The following RBFOX1 variants were observed in gnomAD, a reference collection of about 807,000 sequenced individuals.
RBFOX1 encodes RNA binding protein fox-1 homolog 1.
In RBFOX1, 8 loss-of-function variants were observed where a neutral mutation model predicts 57.7. That is an observed-to-expected ratio of 0.14 (90% confidence interval 0.08 to 0.25). RBFOX1 has a LOEUF of 0.25. Ranked by LOEUF, RBFOX1 falls within the 10% of genes least tolerant of loss-of-function variation. The pLI is 1.00. For missense variants in RBFOX1, 611 were observed against 548.5 expected, an observed-to-expected ratio of 1.11 and a Z score of -1.14; for synonymous variants, 326 against 222.4, an observed-to-expected ratio of 1.47 and a Z score of -4.15.
intron 3 of RBFOX1, among the ~76,000 whole-genome samples, chr16:6,771,689 G>C (rs2078323439): frequency 6.6e-6 from 1 of 152,196 alleles, no homozygotes; most frequent in South Asian, 2.1e-4. Context: ...GTCATAATTA[G>C]TGGAGCAAGG....
intron 1 of RBFOX1, among the ~76,000 whole-genome samples, chr16:6,033,611 C>T (rs1481082628): frequency 6.6e-6 from 1 of 152,198 alleles, no homozygotes; most frequent in Non-Finnish European, 1.5e-5. Context: ...TGTGCACACG[C>T]ACGTGTATTT....
intron 1 of RBFOX1, among the ~76,000 whole-genome samples, chr16:6,128,041 G>A (rs777536557): frequency 2.0e-4 from 31 of 152,072 alleles, no homozygotes; most frequent in Non-Finnish European, 4.0e-4. Context: ...AAGTCACTAG[G>A]CACATGTGAC....
rs146447632 is a variant in RBFOX1 at position 5,466,493 on chromosome 16, A to C, written c.220-723A>C. Among the ~76,000 whole-genome samples the C allele has an allele frequency of 3.3e-5, 5 of 152,194 alleles. No individual in the cohort carries two copies. The East Asian group carries it at 7.7e-4, about 24-fold the overall frequency. On this transcript the variant is annotated intron_variant, in intron 1 of 2. Coordinates refer to the RBFOX1 transcript ENST00000585867. ...TCCTGGGGCCCTGAAATCAGAGAGT[A>C]CTCACAGAGTGAGGTCTTCCTCAAG...
intron 14 of RBFOX1, among the ~76,000 whole-genome samples, chr16:7,678,517 ATATAAT>A (rs981519448): frequency 3.9e-5 from 6 of 152,218 alleles, no homozygotes; most frequent in African/African-American, 1.4e-4. Flanking sequence ...CCCACTTTGT[ATATAAT>A]TATAATCATA....
intron 2 of RBFOX1, among the ~76,000 whole-genome samples, chr16:5,579,438 C>G (rs779842683): frequency 1.5e-4 from 23 of 152,140 alleles, no homozygotes; most frequent in Non-Finnish European, 1.3e-4. Context: ...CTGTGCTCCC[C>G]GCATCCATGT....
rs183264788 is a variant in RBFOX1 at position 6,377,139 on chromosome 16, G to A, written c.-64+60082G>A. ...AAAAATTAAAAATTAGCTGAGCACG[G>A]TGGCCTGTGCCTGTAGGCCCAGCTA... On this transcript the variant is annotated intron_variant, in intron 2 of 15. Coordinates refer to ENST00000550418, the MANE Select transcript of RBFOX1 (RefSeq NM_018723.4). Among the ~76,000 whole-genome samples, 203 of 151,900 alleles carry A rather than the reference G, an allele frequency of 1.3e-3. 1 individual carries two copies. The highest frequency in any genetic ancestry group is 4.8e-3 in the African/African-American group (200 of 41,430).
At position 7,265,880 on chromosome 16, in the gene RBFOX1, C is replaced by T. The variant is rs868315990; in HGVS notation, c.27+213782C>T. On this transcript the variant is annotated intron_variant, in intron 4 of 15. Transcript: ENST00000550418. ...TGCTGGAGGTGGGGCCTGGTAAGAG[C>T]TGTTTAGATCATGGGAATGGGTTCT... 4.7e-5 allele frequency among the ~76,000 whole-genome samples: 7 copies of T among 149,970 alleles called. No homozygotes were observed. In the South Asian group the frequency reaches 1.1e-3, roughly 23 times the overall value.
intron 3 of RBFOX1, among the ~76,000 whole-genome samples, chr16:6,752,134 T>C (rs1203281006): frequency 1.3e-5 from 2 of 152,174 alleles, no homozygotes; most frequent in African/African-American, 2.4e-5. Context: ...AACGAGTGTT[T>C]TGCATTCCAT....
chr16:7,161,458 T>C (rs2078303772), intron 4 of RBFOX1, among the ~76,000 whole-genome samples: 1 of 152,208 alleles, frequency 6.6e-6, no homozygotes, highest in Non-Finnish European at 1.5e-5. Flanking sequence ...AAAACTCTTC[T>C]AGTCATTATT....
chr16:7,342,357 C>A (rs1350408411), intron 4 of RBFOX1, among the ~76,000 whole-genome samples: 6 of 152,176 alleles, frequency 3.9e-5, no homozygotes, highest in Non-Finnish European at 8.8e-5. Context: ...AGTTGGCATC[C>A]TGGCTCCTGT....
intron 2 of RBFOX1, among the ~76,000 whole-genome samples, chr16:5,546,809 AAG>A (rs759268253): frequency 6.6e-5 from 10 of 152,226 alleles, no homozygotes; most frequent in Non-Finnish European, 1.2e-4. Flanking sequence ...AAAAACAGTT[AAG>A]AGAGTGACCA....
At chr16:5,850,506 C>G (rs1028589410) in intron 3 of RBFOX1, among the ~76,000 whole-genome samples, 1 of 152,226 alleles carries the variant, frequency 6.6e-6, no homozygotes, top group African/African-American at 2.4e-5. Flanking sequence ...TAGTCACCAT[C>G]ATTGCAGTAG....
At chr16:6,671,696 G>C (rs866468820) in intron 3 of RBFOX1, among the ~76,000 whole-genome samples, 1 of 152,150 alleles carries the variant, frequency 6.6e-6, no homozygotes, top group African/African-American at 2.4e-5. Context: ...CTCCCACTTA[G>C]GAGTGAGGAC....
At chr16:5,432,591 T>C (rs1487028002) in intron 1 of RBFOX1, among the ~76,000 whole-genome samples, 2 of 147,426 alleles carry the variant, frequency 1.4e-5, no homozygotes, top group Non-Finnish European at 3.0e-5. Context: ...TCACTCTTTT[T>C]CCTCTCTAGC....
intron 5 of RBFOX1, among the ~76,000 whole-genome samples, chr16:7,547,043 C>G (rs12599501): frequency 0.062 from 9,387 of 151,892 alleles, 365 homozygotes; most frequent in South Asian, 0.15. Flanking sequence ...CGGCAGTGTC[C>G]TGTCTCCTGC....
chr16:6,098,194 T>C (rs918684490), intron 1 of RBFOX1, among the ~76,000 whole-genome samples: 1 of 152,202 alleles, frequency 6.6e-6, no homozygotes, highest in Non-Finnish European at 1.5e-5. Context: ...TTCCCCACCC[T>C]GGGAGGGCCT....
intron 4 of RBFOX1, among the ~76,000 whole-genome samples, chr16:7,091,195 C>T (rs1189497323): frequency 3.3e-5 from 5 of 152,052 alleles, no homozygotes; most frequent in African/African-American, 1.2e-4. Flanking sequence ...CACATTTTCT[C>T]ATTTACATTC....
At chr16:6,133,780 A>T (rs1481378641) in intron 1 of RBFOX1, among the ~76,000 whole-genome samples, 3 of 152,122 alleles carry the variant, frequency 2.0e-5, no homozygotes, top group African/African-American at 7.2e-5. Flanking sequence ...CTATCCTGCC[A>T]CAGGGTCTTT....
At chr16:6,202,994 T>G (rs1161742951) in intron 1 of RBFOX1, among the ~76,000 whole-genome samples, 1 of 152,048 alleles carries the variant, frequency 6.6e-6, no homozygotes, top group Non-Finnish European at 1.5e-5. Flanking sequence ...AAGGCTGGTC[T>G]TGAAATCCTG....
Sources: allele counts gnomAD v4.1 joint callset (sites outside exome capture counted in the v4.1 genomes callset), GRCh38; gene constraint gnomAD v4.1.1; transcripts MANE v1.5; gene names NCBI Gene and HGNC (gene_info 2026-07-23, HGNC 2026-07-21).